Variants in STXBP5L observed in about 807,000 individuals in gnomAD.
STXBP5L encodes the protein syntaxin-binding protein 5-like.
In STXBP5L, 65 loss-of-function variants were observed where a neutral mutation model predicts 144.5. The ratio of observed to expected loss-of-function variants is 0.45; its 90% confidence interval spans 0.37 to 0.55. The LOEUF is 0.55. Ranked by LOEUF, STXBP5L falls within the 20% of genes least tolerant of loss-of-function variation. STXBP5L has a pLI of 0.00. For missense variants in STXBP5L, 1,298 were observed against 1,405.5 expected (o/e 0.92, Z 1.22); for synonymous variants, 505 against 469.6 (o/e 1.08, Z -0.97).
rs1198308410 is a variant in STXBP5L, at chr3:121,041,735, A to C, written c.323A>C (p.His108Pro). The C allele has an allele frequency of 6.2e-7, 1 of 1,612,928 alleles. No homozygotes were observed. The highest frequency in any genetic ancestry group is 8.5e-7 in the Non-Finnish European group (1 of 1,179,252). Residue 108 changes from histidine to proline, a missense_variant, in exon 4 of 27, where the codon CAT becomes CCT. By Grantham distance (77) the His-to-Pro change is moderately conservative. Transcript: ENST00000471454. Reference sequence around the variant, plus strand: ...CCTGGTGTTGATTGCTATTGCCAACATGAAAGTGGTGCAGCTGTCCTACAG... The same window carrying C: ...CCTGGTGTTGATTGCTATTGCCAACCTGAAAGTGGTGCAGCTGTCCTACAG... ...GRPGVDCYCQ[H>P]ESGAAVLQLQ...
chr3:120,974,270 A>G (rs1336439080), intron 3 of STXBP5L, among the ~76,000 whole-genome samples: 3 of 151,908 alleles, frequency 2.0e-5, no homozygotes, highest in South Asian at 2.1e-4. Flanking sequence ...TGTGGTTTTG[A>G]TTTGCATTTC....
At chr3:121,124,002 A>G (rs1203959641) in intron 7 of STXBP5L, among the ~76,000 whole-genome samples, 1 of 151,834 alleles carries the variant, frequency 6.6e-6, no homozygotes. Context: ...TGCATTTCAC[A>G]ATTAGATTTT....
intron 5 of STXBP5L, among the ~76,000 whole-genome samples, chr3:121,078,837 G>C (rs758708967): frequency 6.6e-6 from 1 of 152,258 alleles, no homozygotes; most frequent in Non-Finnish European, 1.5e-5. Context: ...AGGGCTGGCC[G>C]GCTGCTCTGA....
At chr3:120,940,036 A>AT (rs893680685) in intron 2 of STXBP5L, among the ~76,000 whole-genome samples, 2 of 151,800 alleles carry the variant, frequency 1.3e-5, no homozygotes, top group Non-Finnish European at 2.9e-5. Context: ...CAAGATTTTC[A>AT]TTTTTTTTAA....
intron 15 of STXBP5L, among the ~76,000 whole-genome samples, chr3:121,251,252 G>A (rs1244185995): frequency 6.6e-6 from 1 of 152,220 alleles, no homozygotes; most frequent in East Asian, 1.9e-4. Flanking sequence ...TCTGCTCAAT[G>A]TTGAAGGAAT....
At chr3:121,087,928 C>G (rs897977129) in intron 5 of STXBP5L, among the ~76,000 whole-genome samples, 5 of 152,074 alleles carry the variant, frequency 3.3e-5, no homozygotes, top group African/African-American at 1.2e-4. Flanking sequence ...GAATGAAATG[C>G]AGAGACTTTT....
At chr3:121,253,190 C>A (rs1474703445) in intron 15 of STXBP5L, among the ~76,000 whole-genome samples, 1 of 151,972 alleles carries the variant, frequency 6.6e-6, no homozygotes, top group Non-Finnish European at 1.5e-5. Context: ...GCAATACAAT[C>A]CTTTGTCTAT....
At position 121,393,994 on chromosome 3, in the gene STXBP5L, T is replaced by A. The variant is rs186952042; in HGVS notation, c.2587+12462T>A. 3.9e-5 allele frequency among the ~76,000 whole-genome samples: 6 copies of A among 152,340 alleles called. No homozygotes were observed. The East Asian group carries it at 1.2e-3, about 29-fold the overall frequency. On this transcript the variant is annotated intron_variant, in intron 22 of 26. Coordinates refer to ENST00000471454, the MANE Select transcript of STXBP5L (RefSeq NM_001308330.2). ...GTTGGCAAATTGATAGGAATTGTGT[T>A]GAATCTGTAGATTGTTTTGGGCAGT...
At chr3:120,919,448 G>A (rs375613134) in intron 2 of STXBP5L, among the ~76,000 whole-genome samples, 109 of 152,018 alleles carry the variant, frequency 7.2e-4, no homozygotes, top group East Asian at 1.5e-3. Flanking sequence ...ACATTTTGAT[G>A]TATTGAGTTC....
intron 9 of STXBP5L, among the ~76,000 whole-genome samples, chr3:121,191,002 C>T (rs895666318): frequency 7.9e-5 from 12 of 151,994 alleles, no homozygotes; most frequent in African/African-American, 2.2e-4. Context: ...CAGAGACGCT[C>T]CTCACTTCCT....
At chr3:121,085,566 C>A (rs1162709839) in intron 5 of STXBP5L, among the ~76,000 whole-genome samples, 2 of 152,078 alleles carry the variant, frequency 1.3e-5, no homozygotes. Context: ...TGAATGAACT[C>A]CCATTCACAA....
chr3:121,390,063 G>A (rs1328073367), intron 22 of STXBP5L, among the ~76,000 whole-genome samples: 2 of 152,098 alleles, frequency 1.3e-5, no homozygotes, highest in African/African-American at 2.4e-5. Context: ...TATGAATCTG[G>A]GTGCTCCCAT....
intron 2 of STXBP5L, among the ~76,000 whole-genome samples, chr3:120,944,379 A>G (rs919426766): frequency 6.6e-6 from 1 of 151,718 alleles, no homozygotes; most frequent in Non-Finnish European, 1.5e-5. Context: ...GACTTGTTAA[A>G]CTATGTGCAT....
intron 2 of STXBP5L, among the ~76,000 whole-genome samples, chr3:120,942,209 A>G (rs1710601040): frequency 6.6e-6 from 1 of 151,760 alleles, no homozygotes; most frequent in South Asian, 2.1e-4. Flanking sequence ...AAATATTAAA[A>G]TTGTTCTTGA....
chr3:121,250,913 T>C (rs1432141257), intron 15 of STXBP5L, 150 bp downstream of exon 15: 1 of 615,058 alleles, frequency 1.6e-6, no homozygotes, highest in Non-Finnish European at 2.9e-6. Context: ...CCTACACTGT[T>C]AGATCAGTTG....
chr3:121,111,309 G>A (rs1279724396), intron 5 of STXBP5L, among the ~76,000 whole-genome samples: 1 of 152,160 alleles, frequency 6.6e-6, no homozygotes, highest in African/African-American at 2.4e-5. Context: ...TTTGGAGGAG[G>A]AGAAGCACTC....
chr3:121,224,039 T>C (rs2049048496), intron 11 of STXBP5L, among the ~76,000 whole-genome samples: 1 of 152,146 alleles, frequency 6.6e-6, no homozygotes, highest in South Asian at 2.1e-4. Flanking sequence ...GTGTATACAT[T>C]ACTATATTTT....
At chr3:121,009,159 G>T (rs1422650948) in intron 3 of STXBP5L, among the ~76,000 whole-genome samples, 1 of 151,888 alleles carries the variant, frequency 6.6e-6, no homozygotes. Context: ...ACAGACAATG[G>T]CTGACTTATC....
At chr3:121,089,058 A>G (rs1325688428) in intron 5 of STXBP5L, among the ~76,000 whole-genome samples, 5 of 118,408 alleles carry the variant, frequency 4.2e-5, no homozygotes, top group African/African-American at 9.9e-5. Context: ...TAACCTGCAC[A>G]ATGTGCACAT....
Sources: gnomAD v4.1 joint callset for allele counts (sites outside exome capture counted in the v4.1 genomes callset) on GRCh38, gnomAD v4.1.1 for gene constraint, MANE v1.5 for transcripts, NCBI Gene and HGNC (gene_info 2026-07-23, HGNC 2026-07-21) for gene names.